Variants in B3GALT1 observed in about 807,000 individuals in gnomAD.
B3GALT1 encodes beta-1,3-galactosyltransferase 1.
A neutral mutation model predicts 23.2 loss-of-function variants in B3GALT1; 10 were observed. That is an observed-to-expected ratio of 0.43 (90% CI 0.27 to 0.73). The LOEUF (loss-of-function observed/expected upper bound fraction) is 0.73. Ranked by LOEUF, B3GALT1 falls within the 30% of genes least tolerant of loss-of-function variation. The pLI, the probability that B3GALT1 is intolerant of heterozygous loss-of-function variation, is 0.21. For synonymous variants in B3GALT1, 156 were observed against 141.5 expected (o/e 1.10, Z -0.73); for missense variants, 299 against 405.4 (o/e 0.74, Z 2.25).
intron 3 of B3GALT1, among the ~76,000 whole-genome samples, chr2:167,703,121 T>G (rs932164305): frequency 2.0e-5 from 3 of 152,236 alleles, no homozygotes; most frequent in Non-Finnish European, 2.9e-5. Context: ...ACAGATACTC[T>G]CCTAAATACT....
chr2:167,626,695 G>GA (rs1426076542), intron 2 of B3GALT1, among the ~76,000 whole-genome samples: 3 of 151,672 alleles, frequency 2.0e-5, no homozygotes, highest in African/African-American at 7.2e-5. Context: ...GTTAAACATT[G>GA]AAAAAATATA....
chr2:167,411,648 G>C (rs1698394068), intron 1 of B3GALT1, among the ~76,000 whole-genome samples: 1 of 152,144 alleles, frequency 6.6e-6, no homozygotes, highest in Non-Finnish European at 1.5e-5. Context: ...ACTATCAACT[G>C]TATGGATGTT....
intron 3 of B3GALT1, among the ~76,000 whole-genome samples, chr2:167,761,139 G>A (rs936272947): frequency 1.8e-4 from 27 of 152,292 alleles, no homozygotes; most frequent in African/African-American, 5.8e-4. Context: ...CAGCAATCAC[G>A]TAGTGATAGT....
chr2:167,667,595 A>G (rs920903505), intron 3 of B3GALT1, among the ~76,000 whole-genome samples: 9 of 152,158 alleles, frequency 5.9e-5, no homozygotes, highest in African/African-American at 2.2e-4. Flanking sequence ...CACCAATCAG[A>G]CGTAGATTTG....
At position 167,550,686 on chromosome 2, in the gene B3GALT1, G is replaced by T. The variant is rs188347452; in HGVS notation, c.-410+60409G>T. ...CAAATGGAAAGTGGTGCATTTTTCA[G>T]TGGGCTTTGGTGATGCCTTTTTAAA... On this transcript the variant is annotated intron_variant, in intron 2 of 4. Transcript: ENST00000392690. Among the ~76,000 whole-genome samples the T allele has an allele frequency of 3.9e-5, 6 of 152,326 alleles. No individual in the cohort carries two copies. In the East Asian group the frequency reaches 1.2e-3, roughly 29 times the overall value.
At chr2:167,428,662 A>G (rs916702357) in intron 1 of B3GALT1, among the ~76,000 whole-genome samples, 25 of 152,044 alleles carry the variant, frequency 1.6e-4, no homozygotes, top group African/African-American at 5.8e-4. Flanking sequence ...TGGGTGACAG[A>G]GCGAGACTCC....
At chr2:167,733,634 G>A (rs1687444774) in intron 3 of B3GALT1, among the ~76,000 whole-genome samples, 1 of 152,196 alleles carries the variant, frequency 6.6e-6, no homozygotes, top group Non-Finnish European at 1.5e-5. Flanking sequence ...ATTTTACAGA[G>A]CTAGCAGCAG....
intron 2 of B3GALT1, among the ~76,000 whole-genome samples, chr2:167,555,873 T>A (rs1351838393): frequency 1.3e-5 from 2 of 152,186 alleles, no homozygotes; most frequent in Non-Finnish European, 2.9e-5. Flanking sequence ...CATCTGAGTC[T>A]GAATGGATTT....
chr2:167,643,975 T>C (rs1267653300), intron 2 of B3GALT1, among the ~76,000 whole-genome samples: 1 of 152,190 alleles, frequency 6.6e-6, no homozygotes, highest in Non-Finnish European at 1.5e-5. Context: ...ACAGTGTCAA[T>C]GTCTGTAAAT....
chr2:167,616,676 T>C (rs540761327), intron 2 of B3GALT1, among the ~76,000 whole-genome samples: 210 of 152,018 alleles, frequency 1.4e-3, no homozygotes, highest in African/African-American at 4.9e-3. Flanking sequence ...GTCTGGGTGA[T>C]AGAGCAAGAC....
intron 1 of B3GALT1, among the ~76,000 whole-genome samples, chr2:167,432,557 G>T (rs541184468): frequency 6.6e-6 from 1 of 152,184 alleles, no homozygotes; most frequent in South Asian, 2.1e-4. Context: ...CTTTAGATTG[G>T]GTTTTAAAAG....
chr2:167,445,935 G>C (rs1373513613), intron 1 of B3GALT1, among the ~76,000 whole-genome samples: 1 of 152,150 alleles, frequency 6.6e-6, no homozygotes, highest in Non-Finnish European at 1.5e-5. Context: ...TTGCTTGTTA[G>C]TTGATGCAGT....
intron 1 of B3GALT1, among the ~76,000 whole-genome samples, chr2:167,474,234 C>T (rs971457118): frequency 2.6e-5 from 4 of 152,148 alleles, no homozygotes; most frequent in Non-Finnish European, 2.9e-5. Flanking sequence ...TAAATTGCCA[C>T]ACTACCAGCT....
intron 3 of B3GALT1, among the ~76,000 whole-genome samples, chr2:167,764,142 A>G (rs1687938885): frequency 6.6e-6 from 1 of 152,194 alleles, no homozygotes; most frequent in Admixed American, 6.5e-5. Context: ...AAGAGCTCCA[A>G]ATAGCACTGT....
intron 1 of B3GALT1, among the ~76,000 whole-genome samples, chr2:167,343,114 T>C (rs1438428199): frequency 6.6e-6 from 1 of 152,190 alleles, no homozygotes; most frequent in Admixed American, 6.6e-5. Context: ...TGTTTAATTC[T>C]TCCATTATGA....
chr2:167,458,602 C>T lies in B3GALT1; in HGVS notation c.-510-31575C>T, dbSNP rs150090967. ...TACAAGGGTTCTGATTTCTCCACTC[C>T]CTCATAAACACTTGCTATTTTCTGT... On this transcript the variant is annotated intron_variant, in intron 1 of 4. Transcript: ENST00000392690. 6.5e-3 allele frequency among the ~76,000 whole-genome samples: 994 copies of T among 152,254 alleles called. 13 individuals are homozygous for T. The highest frequency in any genetic ancestry group is 0.023 in the African/African-American group (949 of 41,546).
At chr2:167,802,738 T>A (rs940047977) in intron 3 of B3GALT1, among the ~76,000 whole-genome samples, 4 of 152,202 alleles carry the variant, frequency 2.6e-5, no homozygotes, top group African/African-American at 9.6e-5. Context: ...TTAGTAACTC[T>A]TGAAATACAT....
chr2:167,807,455 G>T (rs1332380592), intron 3 of B3GALT1, among the ~76,000 whole-genome samples: 1 of 151,946 alleles, frequency 6.6e-6, no homozygotes, highest in Non-Finnish European at 1.5e-5. Flanking sequence ...GGCATTTAGT[G>T]CTATAAATTT....
intron 1 of B3GALT1, among the ~76,000 whole-genome samples, chr2:167,313,964 C>T (rs911314074): frequency 4.6e-5 from 7 of 152,068 alleles, no homozygotes; most frequent in Admixed American, 3.3e-4. Flanking sequence ...GTAATAGTAA[C>T]GCAGGTTTGT....
Sources: allele counts gnomAD v4.1 joint callset (sites outside exome capture counted in the v4.1 genomes callset), GRCh38; gene constraint gnomAD v4.1.1; transcripts MANE v1.5; gene names NCBI Gene and HGNC (gene_info 2026-07-23, HGNC 2026-07-21).